Variants in CNTNAP2 observed in about 807,000 individuals in gnomAD.
CNTNAP2 encodes contactin associated protein 2, also known as contactin-associated protein-like 2.
Under a neutral mutation model 155.2 loss-of-function variants are expected in CNTNAP2, and 98 were observed. The observed-to-expected ratio is 0.63, with a 90% CI of 0.54 to 0.75. CNTNAP2 has a LOEUF of 0.75. Ranked by LOEUF, CNTNAP2 falls within the 30% of genes least tolerant of loss-of-function variation. The pLI, the probability that CNTNAP2 is intolerant of heterozygous loss-of-function variation, is 0.00. For synonymous variants in CNTNAP2, 651 were observed against 631.2 expected, an observed-to-expected ratio of 1.03 and a Z score of -0.47; for missense variants, 1,727 against 1,688.1, an observed-to-expected ratio of 1.02 and a Z score of -0.40.
intron 1 of CNTNAP2, among the ~76,000 whole-genome samples, chr7:146,564,466 T>G (rs942867802): frequency 1.4e-4 from 21 of 150,568 alleles, no homozygotes; most frequent in Non-Finnish European, 2.7e-4. Context: ...TATACAAATT[T>G]TATATATGTT....
intron 21 of CNTNAP2, among the ~76,000 whole-genome samples, chr7:148,339,043 G>GTGTCT (rs1164937957): frequency 2.0e-5 from 3 of 152,138 alleles, no homozygotes; most frequent in Non-Finnish European, 4.4e-5. Context: ...CCCAGTCTCT[G>GTGTCT]TGTCTCTCTC....
intron 4 of CNTNAP2, among the ~76,000 whole-genome samples, chr7:147,083,891 T>G (rs1240565081): frequency 7.1e-6 from 1 of 140,308 alleles, no homozygotes; most frequent in Non-Finnish European, 1.5e-5. Flanking sequence ...CATATACACA[T>G]GTATGTATAT....
At chr7:147,935,870 T>C (rs1180726211) in intron 14 of CNTNAP2, among the ~76,000 whole-genome samples, 3 of 152,242 alleles carry the variant, frequency 2.0e-5, no homozygotes, top group African/African-American at 7.2e-5. Context: ...AGTGCAAATA[T>C]GTTTATCTGG....
chr7:147,375,426 A>T (rs1164091799), intron 9 of CNTNAP2, among the ~76,000 whole-genome samples: 1 of 151,952 alleles, frequency 6.6e-6, no homozygotes, highest in African/African-American at 2.4e-5. Flanking sequence ...CACAATTTCA[A>T]ACACACCCTT....
intron 1 of CNTNAP2, among the ~76,000 whole-genome samples, chr7:146,475,301 G>A (rs1796861631): frequency 6.6e-6 from 1 of 152,140 alleles, no homozygotes; most frequent in African/African-American, 2.4e-5. Context: ...GATGGGGCTA[G>A]TGTCTTAAAG....
intron 4 of CNTNAP2, among the ~76,000 whole-genome samples, chr7:147,079,846 A>G (rs1215289700): frequency 6.6e-6 from 1 of 152,080 alleles, no homozygotes; most frequent in African/African-American, 2.4e-5. Flanking sequence ...GTCCTTTCAC[A>G]GTGTCTGTAA....
At chr7:148,244,741 T>C (rs1796224479) in intron 20 of CNTNAP2, among the ~76,000 whole-genome samples, 1 of 151,996 alleles carries the variant, frequency 6.6e-6, no homozygotes, top group African/African-American at 2.4e-5. Flanking sequence ...TTTTGTATTT[T>C]TTGTAGAGAT....
intron 21 of CNTNAP2, among the ~76,000 whole-genome samples, chr7:148,324,687 A>G (rs1309541321): frequency 1.3e-5 from 2 of 151,262 alleles, no homozygotes; most frequent in East Asian, 3.9e-4. Flanking sequence ...AATCCCAGCT[A>G]CCCAGGAGGC....
chr7:148,136,445 T>C (rs1804951758), intron 16 of CNTNAP2, among the ~76,000 whole-genome samples: 1 of 152,128 alleles, frequency 6.6e-6, no homozygotes. Context: ...TGTGCTGCTG[T>C]TCCTTCACCT....
intron 9 of CNTNAP2, among the ~76,000 whole-genome samples, chr7:147,356,217 CT>C (rs1412319046): frequency 3.3e-5 from 5 of 152,070 alleles, no homozygotes; most frequent in African/African-American, 4.8e-5. Flanking sequence ...CAGAAAAGGC[CT>C]TTGATAAAAT....
At chr7:148,342,104 G>C (rs1798247251) in intron 21 of CNTNAP2, among the ~76,000 whole-genome samples, 1 of 152,150 alleles carries the variant, frequency 6.6e-6, no homozygotes, top group African/African-American at 2.4e-5. Context: ...TGTTGAGAAG[G>C]GTCTCCCATG....
At chr7:148,135,840 A>T in intron 16 of CNTNAP2, among the ~76,000 whole-genome samples, 1 of 98,372 alleles carries the variant, frequency 1.0e-5, no homozygotes, top group Non-Finnish European at 2.0e-5. Context: ...CTGAGTGAGA[A>T]GAAGAGAAGA....
chr7:148,122,837 C>T (rs1260010003), intron 16 of CNTNAP2, among the ~76,000 whole-genome samples: 1 of 148,498 alleles, frequency 6.7e-6, no homozygotes, highest in Non-Finnish European at 1.5e-5. Context: ...TGACAGAGCA[C>T]AGAGCAAGAA....
chr7:146,439,835 C>G lies in CNTNAP2; in HGVS notation c.97+322862C>G, dbSNP rs1049763615. Among the ~76,000 whole-genome samples, 18 of 151,626 alleles carry G rather than the reference C, an allele frequency of 1.2e-4. 1 individual carries two copies. Among genetic ancestry groups the G allele is most frequent in the African/African-American group, 4.1e-4 (17 of 40,996 alleles). ...TGAAACAATCCCACTTTCAAATAAT[C>G]TCTCTCGGATAGGCGTGGTGGCTCA... is the stretch of plus-strand genomic sequence containing the variant. On this transcript the variant is annotated intron_variant, in intron 1 of 23. Transcript: ENST00000361727.
At chr7:147,644,382 A>C (rs775709173) in intron 13 of CNTNAP2, among the ~76,000 whole-genome samples, 1 of 152,204 alleles carries the variant, frequency 6.6e-6, no homozygotes, top group African/African-American at 2.4e-5. Context: ...GCACTTTGGG[A>C]GGCCAAGGCA....
chr7:146,145,130 CT>C (rs1315996529), intron 1 of CNTNAP2, among the ~76,000 whole-genome samples: 1 of 152,090 alleles, frequency 6.6e-6, no homozygotes, highest in East Asian at 1.9e-4. Context: ...AGAAACTCAT[CT>C]TTTTCTGAGA....
intron 1 of CNTNAP2, among the ~76,000 whole-genome samples, chr7:146,220,037 A>C (rs1351709219): frequency 6.6e-6 from 1 of 152,124 alleles, no homozygotes; most frequent in Admixed American, 6.6e-5. Flanking sequence ...GCTGACACTA[A>C]ATCCAGTTCT....
chr7:146,451,857 A>ATATACGTGTATATATACATACGTG (rs1554435318), intron 1 of CNTNAP2, among the ~76,000 whole-genome samples: 1 of 128,614 alleles, frequency 7.8e-6, no homozygotes, highest in Non-Finnish European at 1.6e-5. Context: ...CACGTATTCT[A>ATATACGTGTATATATACATACGTG]TATATATATA....
At chr7:147,056,880 C>T (rs1417051234) in intron 4 of CNTNAP2, among the ~76,000 whole-genome samples, 2 of 152,042 alleles carry the variant, frequency 1.3e-5, no homozygotes, top group African/African-American at 4.8e-5. Flanking sequence ...AAGCAATCCT[C>T]CTGCCCCAGC....
Sources: allele counts gnomAD v4.1 joint callset (sites outside exome capture counted in the v4.1 genomes callset), GRCh38; gene constraint gnomAD v4.1.1; transcripts MANE v1.5; gene names NCBI Gene and HGNC (gene_info 2026-07-23, HGNC 2026-07-21).